AKT3: variants seen among roughly 807,000 people sequenced by gnomAD.
The protein encoded by AKT3 is AKT serine/threonine kinase 3.
In AKT3, 15 loss-of-function variants were observed where a neutral mutation model predicts 65.3. The ratio of observed to expected loss-of-function variants is 0.23; its 90% CI spans 0.15 to 0.35. The LOEUF (loss-of-function observed/expected upper bound fraction) is 0.35, where lower values mean the gene tolerates loss of function less well. Among genes scored for constraint, AKT3 ranks in the 10% least tolerant of loss-of-function variants. The pLI, the probability that AKT3 is intolerant of heterozygous loss-of-function variation, is 1.00. For synonymous variants in AKT3, 206 were observed against 183.8 expected (o/e 1.12, Z -0.98); for missense variants, 243 against 576.5 (o/e 0.42, Z 5.92).
At chr1:243,633,717 A>C (rs968096485) in intron 6 of AKT3, among the ~76,000 whole-genome samples, 1 of 152,114 alleles carries the variant, frequency 6.6e-6, no homozygotes, top group African/African-American at 2.4e-5. Flanking sequence ...TATGTAGAAA[A>C]GGAGGGACAA....
At chr1:243,497,338 G>C (rs993045083), downstream of AKT3, among the ~76,000 whole-genome samples, 12 of 79,924 alleles carry the variant, frequency 1.5e-4, no homozygotes, top group African/African-American at 3.2e-4. Context: ...AGGCACGGGT[G>C]GGGGGGGGGG....
At chr1:243,646,348 T>C (rs1024420387) in intron 4 of AKT3, among the ~76,000 whole-genome samples, 3 of 151,690 alleles carry the variant, frequency 2.0e-5, no homozygotes, top group Non-Finnish European at 4.4e-5. Context: ...TGTCTGTACA[T>C]ATATATATCC....
At chr1:243,559,107 G>C (rs1213135169) in intron 10 of AKT3, among the ~76,000 whole-genome samples, 1 of 151,930 alleles carries the variant, frequency 6.6e-6, no homozygotes, top group Non-Finnish European at 1.5e-5. Flanking sequence ...ATAATTTCTA[G>C]GTGTGAAAAT....
chr1:243,843,815 C>T (rs977644402), intron 1 of AKT3, among the ~76,000 whole-genome samples: 3 of 149,980 alleles, frequency 2.0e-5, no homozygotes, highest in African/African-American at 7.4e-5. Flanking sequence ...CCACGCCCTG[C>T]TAATTTTTGT....
At position 243,503,131 on chromosome 1, in the gene AKT3, T is replaced by A. The variant is rs1403652890; in HGVS notation, c.*2118A>T. ...AAAAAAGATTAGCTATGTGTGTAAGTAAGAATGAACTACCATTTACTGTAA... is the reference window on the plus strand; with the variant it reads ...AAAAAAGATTAGCTATGTGTGTAAGAAAGAATGAACTACCATTTACTGTAA... On this transcript the variant is annotated 3_prime_UTR_variant, in exon 14 of 14. Coordinates refer to ENST00000673466, the MANE Select transcript of AKT3 (RefSeq NM_005465.7). 2 of 233,418 alleles carry A rather than the reference T, an allele frequency of 8.6e-6. No homozygotes were observed. Among genetic ancestry groups the A allele is most frequent in the South Asian group, 1.8e-4 (1 of 5,522 alleles). 14.5% of individuals were successfully genotyped at this position (233,418 alleles called of 1,614,324 possible).
intron 2 of AKT3, among the ~76,000 whole-genome samples, chr1:243,743,026 A>C (rs1688257305): frequency 1.3e-5 from 2 of 152,218 alleles, no homozygotes; most frequent in Non-Finnish European, 2.9e-5. Flanking sequence ...CTCAGGCCAA[A>C]GTGACACATA....
intron 10 of AKT3, among the ~76,000 whole-genome samples, chr1:243,556,529 T>G (rs982676639): frequency 6.6e-6 from 1 of 152,144 alleles, no homozygotes; most frequent in Non-Finnish European, 1.5e-5. Flanking sequence ...AGGCTATGTA[T>G]GCCCTGGAGT....
At chr1:243,589,318 A>G (rs931296324) in intron 8 of AKT3, among the ~76,000 whole-genome samples, 6 of 148,524 alleles carry the variant, frequency 4.0e-5, no homozygotes, top group Admixed American at 6.8e-5. Flanking sequence ...AAAAAAAAAA[A>G]AAAAAAGAAA....
chr1:243,647,200 A>G (rs546934573), intron 4 of AKT3, among the ~76,000 whole-genome samples: 55 of 152,340 alleles, frequency 3.6e-4, no homozygotes, highest in Non-Finnish European at 6.9e-4. Flanking sequence ...CATGCACCAC[A>G]TAACAATGTT....
intron 2 of AKT3, among the ~76,000 whole-genome samples, chr1:243,803,270 T>G (rs1280695154): frequency 1.3e-5 from 2 of 152,176 alleles, no homozygotes; most frequent in Non-Finnish European, 2.9e-5. Flanking sequence ...AGTCCAGATC[T>G]ATCTGCCTCC....
intron 3 of AKT3, among the ~76,000 whole-genome samples, chr1:243,683,274 T>C (rs951054233): frequency 6.6e-6 from 1 of 152,154 alleles, no homozygotes; most frequent in Non-Finnish European, 1.5e-5. Flanking sequence ...CAAAGAAAGG[T>C]TGGTTTCCTT....
chr1:243,765,804 G>A (rs1021413742), intron 2 of AKT3, among the ~76,000 whole-genome samples: 5 of 152,122 alleles, frequency 3.3e-5, no homozygotes, highest in African/African-American at 1.2e-4. Context: ...CGAAGTAAAC[G>A]TTCAAGTTAA....
intron 1 of AKT3, among the ~76,000 whole-genome samples, chr1:243,846,314 C>T (rs962374517): frequency 6.6e-6 from 1 of 152,002 alleles, no homozygotes; most frequent in Non-Finnish European, 1.5e-5. Flanking sequence ...GGGAATCTCC[C>T]TAATTATAAA....
chr1:243,842,689 T>C (rs1047939201), intron 2 of AKT3, among the ~76,000 whole-genome samples: 3 of 152,154 alleles, frequency 2.0e-5, no homozygotes. Context: ...GGTGAACCCT[T>C]TCCCCTTTTC....
At chr1:243,688,491 G>T (rs992774902) in intron 3 of AKT3, among the ~76,000 whole-genome samples, 1 of 152,094 alleles carries the variant, frequency 6.6e-6, no homozygotes, top group East Asian at 1.9e-4. Context: ...TTTTGGAGAT[G>T]AATCTATTTT....
chr1:243,530,819 T>C (rs1671471172), intron 12 of AKT3, among the ~76,000 whole-genome samples: 1 of 152,154 alleles, frequency 6.6e-6, no homozygotes, highest in Non-Finnish European at 1.5e-5. Flanking sequence ...CAATCAGAAA[T>C]GACAAAGGGG....
At chr1:243,745,425 C>A (rs142472667) in intron 2 of AKT3, among the ~76,000 whole-genome samples, 1 of 152,136 alleles carries the variant, frequency 6.6e-6, no homozygotes, top group Non-Finnish European at 1.5e-5. Context: ...ATGATCAGAG[C>A]ATACTAAAAA....
chr1:243,768,554 T>C (rs895047109), intron 2 of AKT3, among the ~76,000 whole-genome samples: 4 of 152,108 alleles, frequency 2.6e-5, no homozygotes, highest in Non-Finnish European at 4.4e-5. Flanking sequence ...AACTGAGATA[T>C]AGGCCGGGCG....
At chr1:243,837,713 C>A (rs947537514) in intron 2 of AKT3, among the ~76,000 whole-genome samples, 1 of 152,000 alleles carries the variant, frequency 6.6e-6, no homozygotes, top group Non-Finnish European at 1.5e-5. Flanking sequence ...AAAAACTCTC[C>A]GAACTAGGAA....
Sources: allele counts gnomAD v4.1 joint callset (sites outside exome capture counted in the v4.1 genomes callset), GRCh38; gene constraint gnomAD v4.1.1; transcripts MANE v1.5; gene names NCBI Gene and HGNC (gene_info 2026-07-23, HGNC 2026-07-21).